Variants in TNIP3 observed in about 807,000 individuals in gnomAD.
TNIP3 encodes TNFAIP3-interacting protein 3.
A neutral mutation model predicts 54.1 loss-of-function variants in TNIP3; 34 were observed. The observed-to-expected ratio is 0.63, with a 90% confidence interval of 0.48 to 0.84. TNIP3 has a LOEUF of 0.84. Ranked by LOEUF, TNIP3 falls within the 40% of genes least tolerant of loss-of-function variation. TNIP3 has a pLI of 0.00. For missense variants in TNIP3, 366 were observed against 387.6 expected, an observed-to-expected ratio of 0.94 and a Z score of 0.47; for synonymous variants, 134 against 136.8, an observed-to-expected ratio of 0.98 and a Z score of 0.14.
chr4:121,218,860 C>CT (rs970525939), upstream of TNIP3, among the ~76,000 whole-genome samples: 14 of 152,240 alleles, frequency 9.2e-5, no homozygotes, highest in African/African-American at 2.6e-4. Context: ...CTTTCCCTAG[C>CT]TATAGCCACA....
chr4:121,150,741 G>A (rs916004950), intron 5 of TNIP3, among the ~76,000 whole-genome samples: 2 of 152,166 alleles, frequency 1.3e-5, no homozygotes, highest in African/African-American at 2.4e-5. Context: ...TATAACTATG[G>A]CATGCCTCCA....
At chr4:121,212,076 C>G (rs1726505030) in intron 2 of TNIP3, among the ~76,000 whole-genome samples, 1 of 152,240 alleles carries the variant, frequency 6.6e-6, no homozygotes, top group Non-Finnish European at 1.5e-5. Flanking sequence ...CAAACACTTT[C>G]TGGCATACAG....
intron 1 of TNIP3, chr4:121,216,511 A>C: frequency 6.5e-7 from 1 of 1,535,656 alleles, no homozygotes; most frequent in Non-Finnish European, 8.7e-7. Context: ...CTAAAATAAA[A>C]AAATATGAAG....
chr4:121,132,254 A>G lies in TNIP3; in HGVS notation c.*377T>C, dbSNP rs1269997222. The G allele has an allele frequency of 1.9e-5, 4 of 211,322 alleles. No homozygotes were observed. The highest frequency in any genetic ancestry group is 3.8e-5 in the Non-Finnish European group (4 of 106,080). 13.1% of individuals were successfully genotyped at this position (211,322 alleles called of 1,614,324 possible). A position where few individuals can be genotyped will look rare whatever the true frequency, so the allele number is the denominator to read the frequency against. ...CACACACACACACACACACACACAT[A>G]TGCACTTTAAATCAACATACAATAT... On this transcript the variant is annotated 3_prime_UTR_variant, in exon 11 of 11. Coordinates refer to ENST00000057513, the MANE Select transcript of TNIP3 (RefSeq NM_024873.6).
rs572974704 is a variant in TNIP3, at chr4:121,152,777, AC to A, written c.492+1773del. ...CATAATATATGAAAATGTGTTTTCA[AC>A]CCCAAAGTTTATTTTTTCTTCTAAT... On this transcript the variant is annotated intron_variant, in intron 5 of 10. Transcript: ENST00000057513. Among the ~76,000 whole-genome samples, 9 of 152,280 alleles carry A rather than the reference AC, an allele frequency of 5.9e-5. No homozygotes were observed. The South Asian group carries it at 1.9e-3, about 32-fold the overall frequency.
At chr4:121,153,331 A>T (rs183797777) in intron 5 of TNIP3, among the ~76,000 whole-genome samples, 1 of 152,320 alleles carries the variant, frequency 6.6e-6, no homozygotes, top group African/African-American at 2.4e-5. Context: ...GGCTGTTCTA[A>T]TATCTACAAG....
chr4:121,148,687 A>C (rs1470891872), intron 6 of TNIP3, among the ~76,000 whole-genome samples: 1 of 152,248 alleles, frequency 6.6e-6, no homozygotes, highest in Non-Finnish European at 1.5e-5. Flanking sequence ...GACAGAACAG[A>C]AAATCCAACT....
rs367697160 is a variant in TNIP3, at chr4:121,157,220, C to T, written c.237G>A (p.Leu79=). The change falls in exon 4 of 11, where the codon CTG becomes CTA. Residue 79 remains leucine, a synonymous_variant. Coordinates refer to ENST00000057513, the MANE Select transcript of TNIP3 (RefSeq NM_024873.6). ...ERKVAELKTK[L]DAAERFLSTR... is the part of the protein sequence containing the mutation. ...TGCTGAGGAATCTTTCCGCGGCGTC[C>T]AGTTTCGTCTTCAGCTCTGCTACCT... is the stretch of plus-strand genomic sequence containing the variant. The T allele has an allele frequency of 1.1e-5, 18 of 1,614,006 alleles. No individual in the cohort carries two copies. In the African/African-American group the frequency reaches 2.1e-4, roughly 19 times the overall value.
At chr4:121,152,190 G>C (rs1479847939) in intron 5 of TNIP3, among the ~76,000 whole-genome samples, 1 of 152,114 alleles carries the variant, frequency 6.6e-6, no homozygotes, top group East Asian at 1.9e-4. Context: ...GGTAGGCCCT[G>C]GATTCCATGC....
chr4:121,157,533 GA>G (rs1196991560), intron 3 of TNIP3, among the ~76,000 whole-genome samples: 5 of 152,144 alleles, frequency 3.3e-5, no homozygotes, highest in African/African-American at 1.2e-4. Context: ...CCACCCAGGG[GA>G]ATCTGTAGGT....
At chr4:121,188,712 C>A (rs932944673) in intron 2 of TNIP3, among the ~76,000 whole-genome samples, 2 of 152,142 alleles carry the variant, frequency 1.3e-5, no homozygotes, top group Admixed American at 6.5e-5. Context: ...TGTTCTAACA[C>A]TTCTCCATTA....
At position 121,181,703 on chromosome 4, in the gene TNIP3, G is replaced by A. The variant is rs116352966; in HGVS notation, c.189+973C>T. On this transcript the variant is annotated intron_variant, in intron 3 of 12. Transcript: ENST00000507879. ...TGCTAAGAGATGGTCTCTATAGGTG[G>A]TGAGCCTACTGGTGGTTTCAGAGGC... Among the ~76,000 whole-genome samples, 591 of 152,100 alleles carry A rather than the reference G, an allele frequency of 3.9e-3. 5 individuals are homozygous for A. The highest frequency in any genetic ancestry group is 0.014 in the African/African-American group (569 of 41,482).
chr4:121,197,280 C>T (rs1243313845), intron 2 of TNIP3, among the ~76,000 whole-genome samples: 2 of 152,078 alleles, frequency 1.3e-5, no homozygotes, highest in Non-Finnish European at 2.9e-5. Flanking sequence ...ATAATCCCAG[C>T]GTTTTGGGAA....
chr4:121,168,497 C>A (rs868824571), upstream of TNIP3, among the ~76,000 whole-genome samples: 1 of 149,890 alleles, frequency 6.7e-6, no homozygotes, highest in South Asian at 2.1e-4. Context: ...ACATGCCCAG[C>A]CTTTTTCTTT....
At chr4:121,215,445 AAG>A (rs1402072886) in intron 2 of TNIP3, among the ~76,000 whole-genome samples, 1 of 152,180 alleles carries the variant, frequency 6.6e-6, no homozygotes, top group Non-Finnish European at 1.5e-5. Context: ...TCTCTCACTC[AAG>A]AGAGAGTATC....
At chr4:121,165,395 C>G, upstream of TNIP3, among the ~76,000 whole-genome samples, 1 of 152,030 alleles carries the variant, frequency 6.6e-6, no homozygotes, top group South Asian at 2.1e-4. Flanking sequence ...TCTGGGCCCT[C>G]CATCCAACCT....
At chr4:121,176,887 C>T (rs1724391680) in intron 3 of TNIP3, among the ~76,000 whole-genome samples, 1 of 152,082 alleles carries the variant, frequency 6.6e-6, no homozygotes, top group African/African-American at 2.4e-5. Context: ...AGAACTTGTC[C>T]CCAGCCACTG....
intron 6 of TNIP3, among the ~76,000 whole-genome samples, chr4:121,148,954 T>C (rs1449482915): frequency 1.3e-5 from 2 of 152,204 alleles, no homozygotes; most frequent in African/African-American, 4.8e-5. Flanking sequence ...TTACTGACAA[T>C]GTGTGCCTCA....
At chr4:121,197,610 GA>G (rs1264210663) in intron 2 of TNIP3, among the ~76,000 whole-genome samples, 2 of 150,940 alleles carry the variant, frequency 1.3e-5, no homozygotes, top group African/African-American at 4.9e-5. Context: ...AGATAAAAAT[GA>G]AGAATCGAAG....
Sources: allele counts gnomAD v4.1 joint callset (sites outside exome capture counted in the v4.1 genomes callset), GRCh38; gene constraint gnomAD v4.1.1; transcripts MANE v1.5; gene names NCBI Gene and HGNC (gene_info 2026-07-23, HGNC 2026-07-21).